Variants in ANK2 observed in about 807,000 individuals in gnomAD.
ANK2 encodes ankyrin-2.
ANK2 carries 83 observed loss-of-function variants against 360.5 expected under a neutral mutation model. The observed-to-expected ratio is 0.23, with a 90% CI of 0.19 to 0.28. ANK2 has a LOEUF of 0.28. Ranked by LOEUF, ANK2 falls within the 10% of genes least tolerant of loss-of-function variation. The probability of loss-of-function intolerance (pLI) is 1.00; values close to 1 mark genes in which losing one functional copy is unlikely to be tolerated. For synonymous variants in ANK2, 1,740 were observed against 1,759.5 expected (o/e 0.99, Z 0.28); for missense variants, 4,201 against 4,795.7 (o/e 0.88, Z 3.66).
At chr4:113,318,744 C>T (rs2084306874) in intron 26 of ANK2, 124 bp downstream of exon 26, 1 of 783,060 alleles carries the variant, frequency 1.3e-6, no homozygotes, top group African/African-American at 1.7e-5. Flanking sequence ...TTTGTTTAAA[C>T]TTGTAAATAA....
At chr4:112,908,067 A>C (rs2085853101) in intron 2 of ANK2, among the ~76,000 whole-genome samples, 1 of 152,234 alleles carries the variant, frequency 6.6e-6, no homozygotes, top group African/African-American at 2.4e-5. Flanking sequence ...ACATCCATAA[A>C]GATGGGATAG....
intron 28 of ANK2, among the ~76,000 whole-genome samples, chr4:113,332,442 A>G (rs1034792459): frequency 2.0e-5 from 3 of 152,234 alleles, no homozygotes; most frequent in East Asian, 1.9e-4. Context: ...CCTAAAAATA[A>G]TAGGGCAGTG....
the ANK2 span, among the ~76,000 whole-genome samples, chr4:112,789,538 A>T: frequency 6.6e-6 from 1 of 152,212 alleles, no homozygotes; most frequent in East Asian, 1.9e-4. Flanking sequence ...AAATAAGCAT[A>T]CTTATATTTA....
intron 43 of ANK2, 151 bp from the exon 44 acceptor site, chr4:113,372,939 T>C (rs1208605681): frequency 4.9e-6 from 4 of 811,502 alleles, no homozygotes; most frequent in East Asian, 4.9e-5. Context: ...CCCACTTGAG[T>C]TTTTCACTAG....
At chr4:112,894,768 C>A (rs893432141) in intron 1 of ANK2, among the ~76,000 whole-genome samples, 1 of 152,126 alleles carries the variant, frequency 6.6e-6, no homozygotes, top group African/African-American at 2.4e-5. Flanking sequence ...TTTATAGGAG[C>A]AGAAACAAGA....
intron 20 of ANK2, among the ~76,000 whole-genome samples, chr4:113,290,874 A>T (rs1405856338): frequency 6.6e-6 from 1 of 152,140 alleles, no homozygotes; most frequent in Non-Finnish European, 1.5e-5. Flanking sequence ...ATGACAGTGG[A>T]TTAAGAATCA....
At chr4:113,278,023 A>C in intron 16 of ANK2, 88 bp downstream of exon 16, 1 of 1,281,824 alleles carries the variant, frequency 7.8e-7, no homozygotes, top group Non-Finnish European at 1.1e-6. Flanking sequence ...CTTCTCTGAA[A>C]GGAATGTGAG....
intron 1 of ANK2, among the ~76,000 whole-genome samples, chr4:113,163,258 G>T (rs931524620): frequency 1.2e-4 from 19 of 152,010 alleles, no homozygotes; most frequent in Non-Finnish European, 2.2e-4. Flanking sequence ...TATTAGAATT[G>T]GAATTTTTCC....
chr4:112,760,913 TCTC>T, the ANK2 span, among the ~76,000 whole-genome samples: 6 of 151,596 alleles, frequency 4.0e-5, no homozygotes, highest in Non-Finnish European at 7.4e-5. Flanking sequence ...TTCAAGCAAT[TCTC>T]CTGCTTCAGC....
chr4:112,929,070 C>T (rs1289453026), intron 2 of ANK2, among the ~76,000 whole-genome samples: 1 of 152,138 alleles, frequency 6.6e-6, no homozygotes, highest in Admixed American at 6.5e-5. Context: ...CCGGGCTGGT[C>T]TCGAACTCCC....
At chr4:112,827,117 C>T (rs187993347) in intron 1 of ANK2, 6 of 1,078,108 alleles carry the variant, frequency 5.6e-6, no homozygotes, top group Admixed American at 3.4e-5. Context: ...GAAAAACTGA[C>T]TGCAATTGCT....
intron 20 of ANK2, among the ~76,000 whole-genome samples, chr4:113,289,215 CTTTTTT>C (rs33910138): frequency 7.6e-6 from 1 of 132,282 alleles, no homozygotes; most frequent in Non-Finnish European, 1.6e-5. Context: ...ATTTCTTTTT[CTTTTTT>C]TTTTTTTTTT....
chr4:113,106,795 G>A (rs2093678592), intron 1 of ANK2: 1 of 432,290 alleles, frequency 2.3e-6, no homozygotes, highest in Non-Finnish European at 4.7e-6. Flanking sequence ...GGTGTGCCAA[G>A]CTGACAGATT....
At position 113,237,636 on chromosome 4, in the gene ANK2, G is replaced by T; in HGVS notation, c.693+14G>T. ...AGGACAACTGAGGTACAGTATTGTG[G>T]TTATACCAAAATTTACCTTGTCTTT... On this transcript the variant is annotated intron_variant, in intron 7 of 45. Coordinates refer to ENST00000357077, the MANE Select transcript of ANK2 (RefSeq NM_001148.6). 1 of 1,600,814 alleles carries T rather than the reference G, an allele frequency of 6.2e-7. No individual in the cohort carries two copies. The highest frequency in any genetic ancestry group is 8.6e-7 in the Non-Finnish European group (1 of 1,168,070).
chr4:112,763,514 G>A, the ANK2 span, among the ~76,000 whole-genome samples: 1 of 146,198 alleles, frequency 6.8e-6, no homozygotes, highest in African/African-American at 2.5e-5. Flanking sequence ...TTATAAGCGT[G>A]AGCCACAGCG....
intron 2 of ANK2, among the ~76,000 whole-genome samples, chr4:112,935,423 A>G (rs1178386166): frequency 6.6e-6 from 1 of 152,174 alleles, no homozygotes; most frequent in Non-Finnish European, 1.5e-5. Flanking sequence ...GCCTAATTCT[A>G]GGAGAAAGAT....
chr4:113,348,024 G>T, intron 35 of ANK2: 2 of 517,396 alleles, frequency 3.9e-6, no homozygotes, highest in Non-Finnish European at 3.5e-6. Context: ...TGGTGACCTA[G>T]TATCTGGAAT....
chr4:113,002,698 C>T (rs1004490880), intron 2 of ANK2, among the ~76,000 whole-genome samples: 3 of 152,146 alleles, frequency 2.0e-5, no homozygotes, highest in African/African-American at 7.2e-5. Context: ...CTTTCTGGGG[C>T]ATTTTGGACT....
At chr4:113,218,397 T>G (rs1177087883) in intron 4 of ANK2, among the ~76,000 whole-genome samples, 5 of 152,068 alleles carry the variant, frequency 3.3e-5, no homozygotes, top group African/African-American at 1.2e-4. Flanking sequence ...ATGTTTTAAT[T>G]TTTGAATTGC....
Sources: allele counts gnomAD v4.1 joint callset (sites outside exome capture counted in the v4.1 genomes callset), GRCh38; gene constraint gnomAD v4.1.1; transcripts MANE v1.5; gene names NCBI Gene and HGNC (gene_info 2026-07-23, HGNC 2026-07-21).